Variants in NTM observed in about 807,000 individuals in gnomAD.
NTM encodes IgLON family member 2.
In NTM, 13 loss-of-function variants were observed where a neutral mutation model predicts 42.1. That is an observed-to-expected ratio of 0.31 (90% CI 0.20 to 0.49). The LOEUF is 0.49. Among genes scored for constraint, NTM ranks in the 20% least tolerant of loss-of-function variants. The pLI is 0.99. For missense variants in NTM, 373 were observed against 452.8 expected (o/e 0.82, Z 1.60); for synonymous variants, 187 against 179.2 (o/e 1.04, Z -0.35).
intron 1 of NTM, among the ~76,000 whole-genome samples, chr11:131,602,098 A>G (rs2060536604): frequency 1.3e-5 from 2 of 152,210 alleles, no homozygotes; most frequent in South Asian, 4.1e-4. Flanking sequence ...AATTAAAAGT[A>G]CTTATTTCAT....
At chr11:131,643,571 T>G (rs2065403876) in intron 1 of NTM, among the ~76,000 whole-genome samples, 1 of 152,194 alleles carries the variant, frequency 6.6e-6, no homozygotes. Flanking sequence ...GCACAGAAGC[T>G]TATGGATACA....
intron 3 of NTM, among the ~76,000 whole-genome samples, chr11:132,161,867 T>G (rs2137634377): frequency 6.6e-6 from 1 of 152,342 alleles, no homozygotes; most frequent in Middle Eastern, 3.4e-3. Context: ...GAGGATAAGA[T>G]AATCAGATGC....
intron 1 of NTM, among the ~76,000 whole-genome samples, chr11:131,884,036 T>G (rs548837870): frequency 2.0e-5 from 3 of 152,290 alleles, no homozygotes; most frequent in South Asian, 4.1e-4. Flanking sequence ...TCTAAGCCCT[T>G]CACAGGGATA....
At chr11:132,210,220 C>A (rs1320145305) in intron 3 of NTM, among the ~76,000 whole-genome samples, 1 of 152,062 alleles carries the variant, frequency 6.6e-6, no homozygotes, top group Non-Finnish European at 1.5e-5. Context: ...AATAGTTATT[C>A]AAGGAAAGAA....
intron 1 of NTM, among the ~76,000 whole-genome samples, chr11:131,615,368 T>C (rs1388256380): frequency 6.6e-6 from 1 of 152,038 alleles, no homozygotes; most frequent in Non-Finnish European, 1.5e-5. Context: ...TCTCTCTCTC[T>C]CATTTTTTTT....
intron 2 of NTM, among the ~76,000 whole-genome samples, chr11:131,993,282 G>T (rs1218909712): frequency 1.3e-5 from 2 of 152,106 alleles, no homozygotes; most frequent in Non-Finnish European, 2.9e-5. Context: ...TAAAGGAGGA[G>T]CCATGCAAAC....
chr11:131,494,047 C>T (rs1329843919), intron 1 of NTM, among the ~76,000 whole-genome samples: 1 of 152,208 alleles, frequency 6.6e-6, no homozygotes, highest in Non-Finnish European at 1.5e-5. Context: ...CTGTACTCAA[C>T]ATGTACAAAA....
At chr11:131,701,438 G>A (rs1333311663) in intron 1 of NTM, among the ~76,000 whole-genome samples, 1 of 152,122 alleles carries the variant, frequency 6.6e-6, no homozygotes, top group Admixed American at 6.5e-5. Context: ...GGAAATAATT[G>A]GCTGCCCTAG....
chr11:131,871,554 A>T (rs1449680391), intron 1 of NTM, among the ~76,000 whole-genome samples: 1 of 152,238 alleles, frequency 6.6e-6, no homozygotes, highest in Non-Finnish European at 1.5e-5. Context: ...AACATTGTTT[A>T]TGCATTGTTG....
At chr11:132,063,049 G>C (rs184389274) in intron 2 of NTM, among the ~76,000 whole-genome samples, 77 of 152,202 alleles carry the variant, frequency 5.1e-4, no homozygotes, top group African/African-American at 1.8e-3. Context: ...CACAGCTCTG[G>C]AAGCTATGAA....
chr11:131,405,507 A>T (rs536711118), intron 1 of NTM, among the ~76,000 whole-genome samples: 1 of 152,202 alleles, frequency 6.6e-6, no homozygotes, highest in East Asian at 1.9e-4. Flanking sequence ...ATTTCTTGTT[A>T]GTTCTACCTA....
At chr11:132,319,438 A>T (rs1014249115) in intron 7 of NTM, among the ~76,000 whole-genome samples, 1 of 152,184 alleles carries the variant, frequency 6.6e-6, no homozygotes, top group Admixed American at 6.5e-5. Flanking sequence ...TGCTTTTCCA[A>T]CGGGCTTAAA....
intron 3 of NTM, among the ~76,000 whole-genome samples, chr11:132,153,709 G>A (rs560801598): frequency 1.3e-5 from 2 of 152,222 alleles, no homozygotes; most frequent in African/African-American, 2.4e-5. Context: ...TTGTCAGATC[G>A]AAGACACTCT....
intron 1 of NTM, among the ~76,000 whole-genome samples, chr11:131,811,800 C>T (rs920549731): frequency 6.6e-6 from 1 of 152,188 alleles, no homozygotes; most frequent in Non-Finnish European, 1.5e-5. Context: ...AAGATTCACT[C>T]TTGTCCTAGT....
intron 7 of NTM, among the ~76,000 whole-genome samples, chr11:132,321,716 C>T (rs1252786899): frequency 1.3e-5 from 2 of 150,788 alleles, no homozygotes; most frequent in African/African-American, 4.9e-5. Context: ...AACTCCAAGA[C>T]ACATAATTGT....
chr11:131,807,992 G>A (rs1033863115), intron 1 of NTM, among the ~76,000 whole-genome samples: 1 of 152,138 alleles, frequency 6.6e-6, no homozygotes, highest in Non-Finnish European at 1.5e-5. Flanking sequence ...TGAACATTTT[G>A]GAGACGTCCT....
At chr11:131,430,754 G>A (rs139520085) in intron 1 of NTM, among the ~76,000 whole-genome samples, 3 of 152,326 alleles carry the variant, frequency 2.0e-5, no homozygotes, top group Non-Finnish European at 4.4e-5. Flanking sequence ...CCCCCACCAT[G>A]GGCCTTGCCT....
chr11:131,727,095 A>G (rs2079063298), intron 1 of NTM, among the ~76,000 whole-genome samples: 1 of 151,056 alleles, frequency 6.6e-6, no homozygotes. Flanking sequence ...GCCTCCTAAC[A>G]CTTCTTCCTC....
In NTM at chr11:132,065,791, C is replaced by T. The variant is rs116848393; in HGVS notation, c.168-80491C>T. ...AGGCATGTGACATACATTAGTTCAT[C>T]GTAACAATTGGGTGAAGCAGGTGCT... On this transcript the variant is annotated intron_variant, in intron 2 of 8. Transcript: ENST00000683400. Among the ~76,000 whole-genome samples, 291 of 152,276 alleles carry T rather than the reference C, an allele frequency of 1.9e-3. 5 individuals are homozygous for T. Among genetic ancestry groups the T allele is most frequent in the South Asian group, 2.3e-3 (11 of 4,816 alleles).
Sources: allele counts gnomAD v4.1 joint callset (sites outside exome capture counted in the v4.1 genomes callset), GRCh38; gene constraint gnomAD v4.1.1; transcripts MANE v1.5; gene names NCBI Gene and HGNC (gene_info 2026-07-23, HGNC 2026-07-21).